Variants in PTPN12 observed in about 807,000 individuals in gnomAD.
PTPN12 encodes the protein tyrosine-protein phosphatase non-receptor type 12.
PTPN12 carries 29 observed loss-of-function variants against 97.6 expected under a neutral mutation model. That is an observed-to-expected ratio of 0.30 (90% CI 0.22 to 0.41). The LOEUF (loss-of-function observed/expected upper bound fraction) is 0.41. PTPN12 is among the 10% of genes least tolerant of loss of function. The pLI is 1.00. For missense variants in PTPN12, 819 were observed against 926.0 expected, an observed-to-expected ratio of 0.88 and a Z score of 1.50; for synonymous variants, 327 against 300.4, an observed-to-expected ratio of 1.09 and a Z score of -0.91.
chr7:77,601,127 G>A (rs564350273), intron 8 of PTPN12, among the ~76,000 whole-genome samples: 46 of 152,108 alleles, frequency 3.0e-4, no homozygotes, highest in Middle Eastern at 3.2e-3. Flanking sequence ...AGTCAGTATG[G>A]TAGTATTTTC....
chr7:77,555,758 C>CA (rs1807680869), intron 1 of PTPN12, among the ~76,000 whole-genome samples: 1 of 151,768 alleles, frequency 6.6e-6, no homozygotes, highest in Non-Finnish European at 1.5e-5. Context: ...ACTAAAAATA[C>CA]AAAAAAATTA....
intron 14 of PTPN12, among the ~76,000 whole-genome samples, chr7:77,632,936 G>A (rs569922179): frequency 2.8e-4 from 43 of 151,896 alleles, no homozygotes; most frequent in African/African-American, 8.9e-4. Flanking sequence ...CAGCCTGGGC[G>A]AAGAGCAAGA....
intron 3 of PTPN12, among the ~76,000 whole-genome samples, chr7:77,581,876 A>G (rs1022268724): frequency 2.6e-5 from 4 of 152,128 alleles, no homozygotes; most frequent in African/African-American, 7.2e-5. Flanking sequence ...TATTGCAGTA[A>G]ACATCTTTGT....
At chr7:77,538,761 C>T (rs1201159554) in intron 1 of PTPN12, 1 of 152,026 alleles carries the variant, frequency 6.6e-6, no homozygotes, top group Admixed American at 6.6e-5. Flanking sequence ...AATGTTCCCT[C>T]TAGGGTTGTT....
chr7:77,615,247 A>G (rs747878641), intron 11 of PTPN12, among the ~76,000 whole-genome samples: 1 of 152,188 alleles, frequency 6.6e-6, no homozygotes, highest in African/African-American at 2.4e-5. Flanking sequence ...TTTAGATGTG[A>G]TAATGAATTC....
chr7:77,538,260 C>G (rs1163597944), intron 1 of PTPN12, among the ~76,000 whole-genome samples: 1 of 152,096 alleles, frequency 6.6e-6, no homozygotes, highest in Non-Finnish European at 1.5e-5. Context: ...TTTCCATTTA[C>G]CCGCGTCCCG....
Position 77,626,801 on chromosome 7 carries a change from T to A in PTPN12, c.1122T>A (p.Phe374Leu). 6.2e-7 allele frequency: 1 copy of A among 1,614,084 alleles called. No homozygotes were observed. Among genetic ancestry groups the A allele is most frequent in the Non-Finnish European group, 8.5e-7 (1 of 1,179,968 alleles). Residue 374 changes from phenylalanine to leucine, a missense_variant, in exon 13 of 18, where the codon TTT (phenylalanine) becomes TTA (leucine). Around this residue, in one of 5 missense-constraint regions of PTPN12, gnomAD observed 607 missense variants for 577.3 expected, o/e 1.05. Coordinates refer to ENST00000248594, the MANE Select transcript of PTPN12 (RefSeq NM_002835.4). The part of the protein sequence containing the change: ...PILTPSPPSA[F>L]PTVTTVWQDN... ...TGACACCTTCTCCCCCTTCAGCTTT[T>A]CCAACAGTCACTACTGTGTGGCAGG...
chr7:77,604,209 CTTTTTTTTTTTTTTT>C (rs71082768), intron 8 of PTPN12, among the ~76,000 whole-genome samples: 1 of 52,790 alleles, frequency 1.9e-5, no homozygotes, highest in Non-Finnish European at 3.1e-5. Context: ...TTTTTTCTTC[CTTTTTTTTTTTTTTT>C]TTTTTTTTTG....
In PTPN12 at chr7:77,585,469, C is replaced by G. The variant is rs191481586; in HGVS notation, c.382-74C>G. On this transcript the variant is annotated intron_variant, in intron 4 of 17. Coordinates refer to ENST00000248594, the MANE Select transcript of PTPN12 (RefSeq NM_002835.4). ...CTTCTCGGTGCAAAATTCTTGAAAT[C>G]TGTATTTTATTAAAAAGTAAAATTG... The G allele has an allele frequency of 4.8e-5, 64 of 1,333,672 alleles. 1 individual carries two copies. The East Asian group carries it at 1.5e-3, about 31-fold the overall frequency. 82.6% of individuals were successfully genotyped at this position (1,333,672 alleles called of 1,614,324 possible).
intron 8 of PTPN12, chr7:77,601,045 A>G (rs983968077): frequency 1.1e-4 from 48 of 418,104 alleles, no homozygotes; most frequent in Non-Finnish European, 1.7e-4. Context: ...GGGAAGCTAT[A>G]GAACATACTC....
intron 7 of PTPN12, among the ~76,000 whole-genome samples, chr7:77,598,348 A>C (rs942421748): frequency 6.6e-6 from 1 of 152,130 alleles, no homozygotes; most frequent in Non-Finnish European, 1.5e-5. Flanking sequence ...GCATTATACA[A>C]TACACCCATG....
At chr7:77,597,731 T>C (rs553429820) in intron 6 of PTPN12, 111 bp from the exon 7 acceptor site, 31 of 1,305,694 alleles carry the variant, frequency 2.4e-5, no homozygotes, top group African/African-American at 2.1e-4. Context: ...ACATCTGGAA[T>C]TTTAAAGATT....
At chr7:77,630,070 T>G (rs1789345652) in intron 13 of PTPN12, among the ~76,000 whole-genome samples, 1 of 152,218 alleles carries the variant, frequency 6.6e-6, no homozygotes, top group South Asian at 2.1e-4. Context: ...TTCTTTTTAC[T>G]CAACCTTAAC....
intron 1 of PTPN12, among the ~76,000 whole-genome samples, chr7:77,542,070 A>G (rs1807004529): frequency 6.6e-6 from 1 of 152,170 alleles, no homozygotes. Context: ...CCTGGACCAT[A>G]CTTTGAGAAC....
intron 1 of PTPN12, among the ~76,000 whole-genome samples, chr7:77,561,551 G>A (rs537933439): frequency 4.5e-4 from 68 of 152,168 alleles, no homozygotes; most frequent in Middle Eastern, 3.4e-3. Context: ...CCATATAGCG[G>A]TCAATAAGTA....
rs147681600 is a variant in PTPN12, at chr7:77,550,735, C to T, written c.99+13090C>T. The stretch of plus-strand genomic sequence containing the variant: ...TGTGGGTAGAAAAGGACTCTGGTGA[C>T]GCTTTCTTGGATGTTTTTCTGCTAA... On this transcript the variant is annotated intron_variant, in intron 1 of 17. Transcript: ENST00000248594. Among the ~76,000 whole-genome samples, 229 of 152,306 alleles carry T rather than the reference C, an allele frequency of 1.5e-3. 1 individual carries two copies. The highest frequency in any genetic ancestry group is 2.6e-3 in the Non-Finnish European group (180 of 68,024).
chr7:77,598,315 G>A lies in PTPN12; in HGVS notation c.552+414G>A, dbSNP rs547283648. ...GTAGTATGCTCACTCCTTTGGTAAG[G>A]ATCATTTGTATTCCAGACCTCAGCA... is the stretch of plus-strand genomic sequence containing the variant. On this transcript the variant is annotated intron_variant, in intron 7 of 17. Transcript: ENST00000248594. Among the ~76,000 whole-genome samples, 150 of 152,282 alleles carry A rather than the reference G, an allele frequency of 9.9e-4. 1 individual carries two copies. The highest frequency in any genetic ancestry group is 3.4e-3 in the African/African-American group (141 of 41,572).
chr7:77,577,903 G>C (rs892412188), intron 2 of PTPN12, among the ~76,000 whole-genome samples: 1 of 152,046 alleles, frequency 6.6e-6, no homozygotes, highest in African/African-American at 2.4e-5. Context: ...TGAATGATTG[G>C]GGATAGATGA....
chr7:77,600,465 A>T (rs761287375), intron 7 of PTPN12, among the ~76,000 whole-genome samples, 199 bp from the exon 8 acceptor site: 4 of 152,180 alleles, frequency 2.6e-5, no homozygotes, highest in Admixed American at 6.6e-5. Context: ...CATGGAAATT[A>T]AATTGTTACA....
Sources: allele counts gnomAD v4.1 joint callset (sites outside exome capture counted in the v4.1 genomes callset), GRCh38; gene constraint gnomAD v4.1.1; regional missense constraint gnomAD v4.1.1; transcripts MANE v1.5; gene names NCBI Gene and HGNC (gene_info 2026-07-23, HGNC 2026-07-21).